The following ST18 variants were observed in gnomAD, a reference collection of about 807,000 sequenced individuals.
ST18 encodes the protein ST18 C2H2C-type zinc finger transcription factor.
ST18 carries 50 observed loss-of-function variants against 110.0 expected under a neutral mutation model. The ratio of observed to expected loss-of-function variants is 0.45; its 90% CI spans 0.36 to 0.58. The LOEUF (loss-of-function observed/expected upper bound fraction) is 0.58. Among genes scored for constraint, ST18 ranks in the 20% least tolerant of loss-of-function variants. The pLI is 0.00. For synonymous variants in ST18, 461 were observed against 452.4 expected, an observed-to-expected ratio of 1.02 and a Z score of -0.24; for missense variants, 1,306 against 1,280.1, an observed-to-expected ratio of 1.02 and a Z score of -0.31.
intron 2 of ST18, among the ~76,000 whole-genome samples, chr8:52,279,209 T>A (rs988437668): frequency 2.0e-5 from 3 of 152,074 alleles, no homozygotes; most frequent in Admixed American, 1.3e-4. Flanking sequence ...AAGAGGAAAC[T>A]GTTAAAAGTG....
intron 2 of ST18, among the ~76,000 whole-genome samples, chr8:52,306,568 A>G (rs902472776): frequency 2.0e-5 from 3 of 152,280 alleles, no homozygotes; most frequent in Non-Finnish European, 4.4e-5. Flanking sequence ...GAAATCCATG[A>G]AAGATTTTTA....
rs912372853 is a variant in ST18 at position 52,142,287 on chromosome 8, G to GT, written c.2168+642dup. ...AGCTGGGTCAGGAGAGGTTTTTACAGTTTTTTTTTGGAAAAGTTTAAACAT... is the reference window on the plus strand; with the variant it reads ...AGCTGGGTCAGGAGAGGTTTTTACAGTTTTTTTTTTGGAAAAGTTTAAACAT... On this transcript the variant is annotated intron_variant, in intron 17 of 25. Coordinates refer to ENST00000689386, the MANE Select transcript of ST18 (RefSeq NM_001352837.2). Among the ~76,000 whole-genome samples, 12 of 151,352 alleles carry GT rather than the reference G, an allele frequency of 7.9e-5. 1 individual carries two copies. The highest frequency in any genetic ancestry group is 6.3e-4 in the South Asian group (3 of 4,772).
chr8:52,236,668 C>T (rs562507323), intron 2 of ST18, among the ~76,000 whole-genome samples: 6 of 150,768 alleles, frequency 4.0e-5, no homozygotes, highest in Admixed American at 4.0e-4. Context: ...CTGTGTAGCT[C>T]TAGCTAAGAT....
At chr8:52,173,307 C>CA (rs1171327649) in intron 9 of ST18, among the ~76,000 whole-genome samples, 1 of 152,146 alleles carries the variant, frequency 6.6e-6, no homozygotes, top group Non-Finnish European at 1.5e-5. Context: ...ACTTGTGTAA[C>CA]AAGGAAATGA....
intron 8 of ST18, chr8:52,194,283 A>G (rs1397928976): frequency 6.6e-6 from 1 of 152,238 alleles, no homozygotes; most frequent in Non-Finnish European, 1.5e-5. Context: ...CTGGGTGAAT[A>G]GACCTTCCTT....
At chr8:52,225,853 G>A (rs1030779120) in intron 3 of ST18, among the ~76,000 whole-genome samples, 7 of 152,170 alleles carry the variant, frequency 4.6e-5, no homozygotes, top group African/African-American at 1.7e-4. Flanking sequence ...CTCCCAGTCT[G>A]TATTGTTACC....
chr8:52,205,653 C>T (rs1363580727), intron 8 of ST18, among the ~76,000 whole-genome samples: 3 of 152,056 alleles, frequency 2.0e-5, no homozygotes, highest in Non-Finnish European at 4.4e-5. Flanking sequence ...CTGCAACCTC[C>T]GCCTCCTGGG....
chr8:52,286,199 T>G (rs2095469478), intron 2 of ST18, among the ~76,000 whole-genome samples: 1 of 152,240 alleles, frequency 6.6e-6, no homozygotes, highest in Admixed American at 6.5e-5. Flanking sequence ...ACATGAAGTT[T>G]AGTTTTGGTC....
chr8:52,349,864 GA>G (rs1819457653), intron 2 of ST18, among the ~76,000 whole-genome samples: 1 of 152,136 alleles, frequency 6.6e-6, no homozygotes, highest in Admixed American at 6.5e-5. Flanking sequence ...AGCAAGGAGG[GA>G]GAGTAGGGGG....
intron 3 of ST18, among the ~76,000 whole-genome samples, chr8:52,224,424 G>A (rs187030932): frequency 6.6e-6 from 1 of 152,250 alleles, no homozygotes; most frequent in Admixed American, 6.5e-5. Context: ...AGCTTTCCAG[G>A]TTAATATTAG....
intron 23 of ST18, among the ~76,000 whole-genome samples, chr8:52,122,872 T>C (rs753841902): frequency 7.9e-5 from 12 of 152,050 alleles, no homozygotes; most frequent in Non-Finnish European, 1.8e-4. Context: ...TAAATTTGGC[T>C]ATTTAGTTAC....
intron 2 of ST18, among the ~76,000 whole-genome samples, chr8:52,325,498 C>T (rs1049316618): frequency 6.6e-6 from 1 of 151,790 alleles, no homozygotes; most frequent in Non-Finnish European, 1.5e-5. Flanking sequence ...TGACATATTC[C>T]CTATAATCAT....
At chr8:52,262,122 C>T (rs1224177254) in intron 2 of ST18, among the ~76,000 whole-genome samples, 1 of 152,158 alleles carries the variant, frequency 6.6e-6, no homozygotes, top group Non-Finnish European at 1.5e-5. Flanking sequence ...AGGGGAAGAG[C>T]ATGTGTGCAA....
intron 2 of ST18, among the ~76,000 whole-genome samples, chr8:52,344,309 GA>G (rs1816641708): frequency 6.6e-6 from 1 of 151,966 alleles, no homozygotes; most frequent in Non-Finnish European, 1.5e-5. Flanking sequence ...TTAAGATGTA[GA>G]AAAATGTTAG....
chr8:52,171,978 C>A lies in ST18; in HGVS notation c.883G>T (p.Asp295Tyr). The change falls in exon 10 of 26, where the codon GAC (aspartate) becomes TAC (tyrosine). Residue 295 changes from aspartate (D) to tyrosine (Y), a missense_variant. Transcript: ENST00000689386. ...SLAVMTEEGS[D>Y]LEKAKGNLSL... The stretch of plus-strand genomic sequence containing the variant: ...AAATTCCCCTTGGCCTTTTCCAGGT[C>A]ACTACCCTCTTCCGTCATTACTGCC... 2 of 1,614,194 alleles carry A rather than the reference C, an allele frequency of 1.2e-6. No homozygotes were observed. The highest frequency in any genetic ancestry group is 1.7e-6 in the Non-Finnish European group (2 of 1,180,032).
intron 2 of ST18, among the ~76,000 whole-genome samples, chr8:52,315,602 G>A (rs558366848): frequency 4.7e-3 from 709 of 151,612 alleles, no homozygotes; most frequent in Non-Finnish European, 8.6e-3. Flanking sequence ...CAAAAATTTA[G>A]GTTCCATTAG....
intron 2 of ST18, among the ~76,000 whole-genome samples, chr8:52,342,578 C>A (rs1300953606): frequency 6.6e-6 from 1 of 152,194 alleles, no homozygotes; most frequent in Non-Finnish European, 1.5e-5. Flanking sequence ...TGCGCCTCAG[C>A]CAGCTGGGCA....
At chr8:52,153,284 G>A (rs1485094601) in intron 15 of ST18, among the ~76,000 whole-genome samples, 2 of 152,160 alleles carry the variant, frequency 1.3e-5, no homozygotes, top group East Asian at 1.9e-4. Context: ...AATACAGGAT[G>A]GGTCACCTGC....
At chr8:52,405,771 G>A (rs1844265491) in intron 2 of ST18, 1 of 151,572 alleles carries the variant, frequency 6.6e-6, no homozygotes, top group Non-Finnish European at 1.5e-5. Context: ...TGCCTACTTA[G>A]ACACATTTCA....
Sources: gnomAD v4.1 joint callset for allele counts (sites outside exome capture counted in the v4.1 genomes callset) on GRCh38, gnomAD v4.1.1 for gene constraint, MANE v1.5 for transcripts, NCBI Gene and HGNC (gene_info 2026-07-23, HGNC 2026-07-21) for gene names.